Variants in UQCC1 observed in about 807,000 individuals in gnomAD.
UQCC1 encodes the protein ubiquinol-cytochrome c reductase complex assembly factor 1.
In UQCC1, 38 loss-of-function variants were observed where a neutral mutation model predicts 48.0. The observed-to-expected ratio is 0.79, with a 90% confidence interval of 0.61 to 1.04. The LOEUF (loss-of-function observed/expected upper bound fraction) is 1.04, where lower values mean the gene tolerates loss of function less well. UQCC1 is among the 50% of genes least tolerant of loss of function. The pLI, the probability that UQCC1 is intolerant of heterozygous loss-of-function variation, is 0.00. For synonymous variants in UQCC1, 111 were observed against 129.2 expected (o/e 0.86, Z 0.95); for missense variants, 368 against 381.8 (o/e 0.96, Z 0.30).
At chr20:35,320,689 G>T (rs373480208) in intron 7 of UQCC1, among the ~76,000 whole-genome samples, 26 of 152,310 alleles carry the variant, frequency 1.7e-4, no homozygotes, top group African/African-American at 5.3e-4. Flanking sequence ...AAAACCTGAG[G>T]TTGAGAGTGG....
chr20:35,374,189 A>G lies in UQCC1; in HGVS notation c.401T>C (p.Phe134Ser), dbSNP rs1360731046. Reference protein sequence around the residue: ...CVEKTDFEEFFLRCQMPDTFN... With the variant: ...CVEKTDFEEFSLRCQMPDTFN... ...ACTATCAAACAATAACTTACTTAGA[A>G]AGAATTCCTCGAAGTCAGTTTTCTC... Residue 134 changes from phenylalanine to serine, a missense_variant, in exon 5 of 10, where the codon TTT becomes TCT. Physicochemically the swap from Phe to Ser is radical, Grantham distance 155. Transcript: ENST00000374385. 1 of 1,610,314 alleles carries G rather than the reference A, an allele frequency of 6.2e-7. No homozygotes were observed. Among genetic ancestry groups the G allele is most frequent in the African/African-American group, 1.3e-5 (1 of 74,824 alleles).
intron 7 of UQCC1, among the ~76,000 whole-genome samples, chr20:35,333,691 G>A (rs752532226): frequency 2.0e-5 from 3 of 152,114 alleles, no homozygotes; most frequent in Admixed American, 6.5e-5. Flanking sequence ...AAACTACTGC[G>A]GTGTACAGAG....
chr20:35,388,298 T>G, intron 2 of UQCC1, among the ~76,000 whole-genome samples: 1 of 7,928 alleles, frequency 1.3e-4, no homozygotes, highest in East Asian at 2.2e-3. Context: ...TTTCTTTTTT[T>G]CTTTTTTTTT....
At chr20:35,365,334 G>A (rs766917594) in intron 6 of UQCC1, among the ~76,000 whole-genome samples, 3 of 152,162 alleles carry the variant, frequency 2.0e-5, no homozygotes, top group Non-Finnish European at 4.4e-5. Flanking sequence ...AGGATATGGT[G>A]TGCACTTACT....
intron 4 of UQCC1, among the ~76,000 whole-genome samples, chr20:35,379,335 T>C (rs368804935): frequency 3.3e-5 from 5 of 152,230 alleles, no homozygotes; most frequent in African/African-American, 1.2e-4. Flanking sequence ...ATCAAATACA[T>C]GTGAAAACAC....
intron 3 of UQCC1, among the ~76,000 whole-genome samples, chr20:35,382,567 C>T (rs1427669944): frequency 7.6e-6 from 1 of 132,042 alleles, no homozygotes; most frequent in Non-Finnish European, 1.5e-5. Flanking sequence ...GGCTGGAGTG[C>T]AGTGGCGAGA....
intron 7 of UQCC1, among the ~76,000 whole-genome samples, chr20:35,334,689 T>TGAGTAGTTGAGGGGTCATGGTCCAGA (rs2061296222): frequency 6.6e-6 from 1 of 152,234 alleles, no homozygotes; most frequent in Non-Finnish European, 1.5e-5. Context: ...TCTCCAGTGC[T>TGAGTAGTTGAGGGGTCATGGTCCAGA]TTTAGCACAG....
At position 35,411,929 on chromosome 20, in the gene UQCC1, C is replaced by A. The variant is rs1001478110; in HGVS notation, c.24+11G>T. On this transcript the variant is annotated intron_variant, in intron 1 of 9. Transcript: ENST00000374385. Reference sequence around the variant, plus strand: ...CAGAGAGCTACCGTAGAAAATTACTCCTTCACTCACAAGGACTCGCACCAG... The same window carrying A: ...CAGAGAGCTACCGTAGAAAATTACTACTTCACTCACAAGGACTCGCACCAG... 5.0e-6 allele frequency: 8 copies of A among 1,614,094 alleles called. No homozygotes were observed. The highest frequency in any genetic ancestry group is 6.8e-6 in the Non-Finnish European group (8 of 1,180,054).
chr20:35,377,952 A>T (rs1012637934), intron 4 of UQCC1, among the ~76,000 whole-genome samples: 1 of 152,232 alleles, frequency 6.6e-6, no homozygotes, highest in African/African-American at 2.4e-5. Context: ...CCAAGCCTTT[A>T]TACTTGGGTG....
At chr20:35,380,959 AT>A (rs928409966) in intron 4 of UQCC1, among the ~76,000 whole-genome samples, 4 of 152,338 alleles carry the variant, frequency 2.6e-5, no homozygotes, top group African/African-American at 9.6e-5. Flanking sequence ...AACGTTTTAG[AT>A]TTTGAATTTC....
At chr20:35,323,231 G>A (rs2061152153) in intron 7 of UQCC1, among the ~76,000 whole-genome samples, 1 of 152,170 alleles carries the variant, frequency 6.6e-6, no homozygotes, top group Admixed American at 6.5e-5. Context: ...CAAGCACAAA[G>A]CTAAAATTGC....
intron 6 of UQCC1, among the ~76,000 whole-genome samples, chr20:35,356,915 G>A (rs1410901919): frequency 6.6e-6 from 1 of 152,144 alleles, no homozygotes; most frequent in Non-Finnish European, 1.5e-5. Flanking sequence ...ACTGCTAGCA[G>A]CCTAGTAGGA....
At chr20:35,352,972 G>A (rs925878750) in intron 6 of UQCC1, among the ~76,000 whole-genome samples, 26 of 151,902 alleles carry the variant, frequency 1.7e-4, no homozygotes, top group Admixed American at 1.2e-3. Context: ...GAGCCACTGC[G>A]CCCAGCTCTA....
chr20:35,349,402 CTT>C (rs2061466356), intron 6 of UQCC1, among the ~76,000 whole-genome samples: 1 of 152,154 alleles, frequency 6.6e-6, no homozygotes. Context: ...TGTGAAAAGA[CTT>C]ATAGGCTTAA....
At chr20:35,374,126 C>T in intron 5 of UQCC1, 58 bp downstream of exon 5, 1 of 1,397,976 alleles carries the variant, frequency 7.2e-7, no homozygotes, top group Non-Finnish European at 1.0e-6. Context: ...TAAAACACAA[C>T]CATAAAAATG....
At chr20:35,409,939 G>A (rs2062321888) in intron 1 of UQCC1, 1 of 151,426 alleles carries the variant, frequency 6.6e-6, no homozygotes, top group South Asian at 2.1e-4. Flanking sequence ...ACGAGTAGCT[G>A]GGATTACAGG....
intron 6 of UQCC1, among the ~76,000 whole-genome samples, chr20:35,347,645 C>T (rs959239430): frequency 2.6e-5 from 4 of 152,042 alleles, no homozygotes; most frequent in East Asian, 1.9e-4. Context: ...GTCCTAAAGA[C>T]GGAAAGTAAT....
chr20:35,408,876 T>C (rs541924274), intron 1 of UQCC1, among the ~76,000 whole-genome samples: 4 of 150,574 alleles, frequency 2.7e-5, no homozygotes, highest in Admixed American at 2.6e-4. Flanking sequence ...AAAGAGAAAA[T>C]TCTGACACAT....
chr20:35,338,874 A>ATATATATATATATATAT (rs1568666053), intron 7 of UQCC1, among the ~76,000 whole-genome samples: 2 of 58,432 alleles, frequency 3.4e-5, no homozygotes, highest in Non-Finnish European at 5.7e-5. Flanking sequence ...AAAAAAAAAA[A>ATATATATATATATATAT]AAAAAAAAAA....
Sources: gnomAD v4.1 joint callset for allele counts (sites outside exome capture counted in the v4.1 genomes callset) on GRCh38, gnomAD v4.1.1 for gene constraint, MANE v1.5 for transcripts, NCBI Gene and HGNC (gene_info 2026-07-23, HGNC 2026-07-21) for gene names.